The following ASAP1 variants were observed in gnomAD, a reference collection of about 807,000 sequenced individuals.
ASAP1 encodes the protein arf-GAP with SH3 domain, ANK repeat and PH domain-containing protein 1.
ASAP1 carries 43 observed loss-of-function variants against 145.2 expected under a neutral mutation model. The ratio of observed to expected loss-of-function variants is 0.30; its 90% CI spans 0.23 to 0.38. The LOEUF is 0.38. Ranked by LOEUF, ASAP1 falls within the 10% of genes least tolerant of loss-of-function variation. ASAP1 has a pLI of 1.00. For missense variants in ASAP1, 1,018 were observed against 1,355.3 expected, an observed-to-expected ratio of 0.75 and a Z score of 3.91; for synonymous variants, 546 against 515.5, an observed-to-expected ratio of 1.06 and a Z score of -0.80.
At chr8:130,066,070 C>T (rs2097430044) in intron 27 of ASAP1, among the ~76,000 whole-genome samples, 1 of 152,160 alleles carries the variant, frequency 6.6e-6, no homozygotes, top group Admixed American at 6.5e-5. Flanking sequence ...CTTACCAATG[C>T]CCCCAGTATT....
In ASAP1 at chr8:130,120,538, G is replaced by A. The variant is rs563285567; in HGVS notation, c.1608-1863C>T. The stretch of plus-strand genomic sequence containing the variant: ...GAAAGCTTCCTTCCCATTATTATCC[G>A]GGAGGCCAGAACTAGGCTTAAAGAT... On this transcript the variant is annotated intron_variant, in intron 18 of 29. Transcript: ENST00000518721. 1.4e-3 allele frequency among the ~76,000 whole-genome samples: 217 copies of A among 152,302 alleles called. 1 individual carries two copies. Among genetic ancestry groups the A allele is most frequent in the Non-Finnish European group, 2.5e-3 (172 of 68,028 alleles).
At chr8:130,292,433 CT>C (rs1159940908) in intron 3 of ASAP1, among the ~76,000 whole-genome samples, 3 of 152,188 alleles carry the variant, frequency 2.0e-5, no homozygotes, top group African/African-American at 7.2e-5. Flanking sequence ...AGAGGGAAGG[CT>C]TTACAAAGCA....
At chr8:130,289,283 G>A (rs368557122) in intron 3 of ASAP1, among the ~76,000 whole-genome samples, 21 of 152,138 alleles carry the variant, frequency 1.4e-4, no homozygotes, top group Non-Finnish European at 2.8e-4. Flanking sequence ...ATAAGAAGGC[G>A]TCAGACTAAC....
intron 29 of ASAP1, 101 bp from the exon 30 acceptor site, chr8:130,054,906 G>A: frequency 1.1e-6 from 1 of 907,382 alleles, no homozygotes; most frequent in Middle Eastern, 2.9e-4. Context: ...CACAGACCTG[G>A]CGGTGGAATC....
intron 1 of ASAP1, among the ~76,000 whole-genome samples, chr8:130,404,438 A>T (rs932441193): frequency 2.0e-5 from 3 of 152,218 alleles, no homozygotes; most frequent in Admixed American, 1.3e-4. Flanking sequence ...TGGCATAAGG[A>T]TAAACATATG....
rs527834813 is a variant in ASAP1 at position 130,242,236 on chromosome 8, T to C, written c.187-5242A>G. On this transcript the variant is annotated intron_variant, in intron 3 of 29. Transcript: ENST00000518721. ...GACAGCAAAACACCTCTGAAACAAA[T>C]ACTCCTATACCAAAGTGATTTCCTT... Among the ~76,000 whole-genome samples the C allele has an allele frequency of 1.4e-4, 13 of 90,236 alleles. 1 individual carries two copies. The South Asian group carries it at 5.3e-3, about 37-fold the overall frequency. 59.2% of individuals were successfully genotyped at this position (90,236 alleles called of 152,430 possible).
intron 2 of ASAP1, among the ~76,000 whole-genome samples, chr8:130,389,471 C>T (rs771353685): frequency 1.2e-4 from 19 of 152,214 alleles, no homozygotes; most frequent in Non-Finnish European, 2.6e-4. Flanking sequence ...ATAGGTATTA[C>T]AAAACCAAAT....
chr8:130,423,091 C>T (rs781005822), intron 1 of ASAP1, among the ~76,000 whole-genome samples: 4 of 152,154 alleles, frequency 2.6e-5, no homozygotes, highest in Non-Finnish European at 5.9e-5. Flanking sequence ...TTTACAACAA[C>T]TATTACAATC....
chr8:130,269,270 C>T (rs960461114), intron 3 of ASAP1, among the ~76,000 whole-genome samples: 6 of 152,034 alleles, frequency 3.9e-5, no homozygotes, highest in East Asian at 1.9e-4. Flanking sequence ...AAGTAAAATC[C>T]GAGGTTTGCA....
intron 2 of ASAP1, among the ~76,000 whole-genome samples, chr8:130,397,589 G>A (rs772582663): frequency 6.6e-5 from 10 of 152,214 alleles, no homozygotes; most frequent in Admixed American, 1.3e-4. Context: ...AACTATGACA[G>A]TGACAACAAG....
chr8:130,278,860 C>T (rs993159536), intron 3 of ASAP1, among the ~76,000 whole-genome samples: 1 of 152,198 alleles, frequency 6.6e-6, no homozygotes, highest in Non-Finnish European at 1.5e-5. Context: ...TTACCTCTTA[C>T]TTTTAAGTCT....
chr8:130,399,982 G>A (rs1828708435), intron 2 of ASAP1, among the ~76,000 whole-genome samples: 1 of 152,114 alleles, frequency 6.6e-6, no homozygotes, highest in Non-Finnish European at 1.5e-5. Flanking sequence ...ACCATGCCCA[G>A]CTAATTTTGT....
At chr8:130,263,913 CGTAGACAATA>C (rs1820090562) in intron 3 of ASAP1, among the ~76,000 whole-genome samples, 1 of 152,172 alleles carries the variant, frequency 6.6e-6, no homozygotes, top group African/African-American at 2.4e-5. Flanking sequence ...TCTAAAGTAA[CGTAGACAATA>C]ATGACAGGCC....
chr8:130,132,616 T>C (rs2097584933), intron 15 of ASAP1, among the ~76,000 whole-genome samples: 1 of 152,180 alleles, frequency 6.6e-6, no homozygotes, highest in South Asian at 2.1e-4. Context: ...CCTCTGTCCT[T>C]ACACTTAGCA....
At chr8:130,327,233 CT>C (rs1361605520) in intron 3 of ASAP1, among the ~76,000 whole-genome samples, 1 of 152,210 alleles carries the variant, frequency 6.6e-6, no homozygotes, top group African/African-American at 2.4e-5. Flanking sequence ...GCTGGTGATA[CT>C]ATGGCCCTGT....
rs1586903168 is a variant in ASAP1 at position 130,358,520 on chromosome 8, G to T, written c.60-377C>A. 6.8e-6 allele frequency among the ~76,000 whole-genome samples: 1 copy of T among 147,834 alleles called. No homozygotes were observed. The highest frequency in any genetic ancestry group is 1.5e-5 in the Non-Finnish European group (1 of 66,318). On this transcript the variant is annotated intron_variant, in intron 2 of 29. Transcript: ENST00000518721. This position sits in a 1 kb window ranked among gnomAD's most constrained non-coding sequence, Gnocchi z 4.1. The stretch of plus-strand genomic sequence containing the variant: ...GCTCCGGCCGGCCGCTGGGGCGTGC[G>T]CGGGCTGGGCGGCTGGGGCGCCCGG...
At chr8:130,121,626 T>C (rs2097566029) in intron 18 of ASAP1, among the ~76,000 whole-genome samples, 1 of 151,226 alleles carries the variant, frequency 6.6e-6, no homozygotes, top group African/African-American at 2.4e-5. Context: ...CTACTAAAAA[T>C]ACAAAAAACT....
intron 27 of ASAP1, among the ~76,000 whole-genome samples, chr8:130,073,515 T>C (rs115160110): frequency 6.6e-6 from 1 of 151,884 alleles, no homozygotes; most frequent in African/African-American, 2.4e-5. Flanking sequence ...CCACGGCCTG[T>C]GGTGCTCAAC....
chr8:130,147,198 C>CA lies in ASAP1; in HGVS notation c.1080+5537dup, dbSNP rs559149769. Among the ~76,000 whole-genome samples, 97 of 63,366 alleles carry CA rather than the reference C, an allele frequency of 1.5e-3. 4 individuals carry two copies. Among genetic ancestry groups the CA allele is most frequent in the South Asian group, 3.3e-3 (4 of 1,196 alleles). 41.6% of individuals were successfully genotyped at this position (63,366 alleles called of 152,430 possible). A position where few individuals can be genotyped will look rare whatever the true frequency, so the allele number is the denominator to read the frequency against. ...TGCACTCCAAAGGGAAATGCAGTCT[C>CA]AAAAAAAAAAAAAAAAAAAAAAAAA... On this transcript the variant is annotated intron_variant, in intron 13 of 29. Coordinates refer to ENST00000518721, the MANE Select transcript of ASAP1 (RefSeq NM_018482.4).
Sources: allele counts gnomAD v4.1 joint callset (sites outside exome capture counted in the v4.1 genomes callset), GRCh38; gene constraint gnomAD v4.1.1; non-coding constraint Gnocchi (gnomAD v3.1); transcripts MANE v1.5; gene names NCBI Gene and HGNC (gene_info 2026-07-23, HGNC 2026-07-21).